Variants in DACH2 observed in about 807,000 individuals in gnomAD.
DACH2 encodes dachshund family transcription factor 2, also known as dachshund homolog 2.
A neutral mutation model predicts 35.8 loss-of-function variants in DACH2; 17 were observed. The observed-to-expected ratio is 0.48, with a 90% CI of 0.33 to 0.71. The LOEUF is 0.71. Ranked by LOEUF, DACH2 falls within the 30% of genes least tolerant of loss-of-function variation. The pLI, the probability that DACH2 is intolerant of heterozygous loss-of-function variation, is 0.02. For synonymous variants in DACH2, 195 were observed against 177.3 expected, an observed-to-expected ratio of 1.10 and a Z score of -0.79; for missense variants, 469 against 472.7, an observed-to-expected ratio of 0.99 and a Z score of 0.07.
chrX:86,524,115 A>G (rs942177910), intron 3 of DACH2, among the ~76,000 whole-genome samples: 1 of 112,490 alleles, frequency 8.9e-6, no homozygotes, highest in Non-Finnish European at 1.9e-5. Flanking sequence ...AGCAAAATGG[A>G]GTCAACTATG....
chrX:86,674,424 T>C (rs2040804636), intron 4 of DACH2, among the ~76,000 whole-genome samples: 1 of 112,464 alleles, frequency 8.9e-6, no homozygotes, highest in African/African-American at 3.2e-5. Context: ...CAAAGAAGGC[T>C]GTAAAGCCTC....
chrX:86,571,472 G>A (rs1037423352), intron 3 of DACH2, among the ~76,000 whole-genome samples: 16 of 104,956 alleles, frequency 1.5e-4, no homozygotes, highest in South Asian at 1.4e-3. Flanking sequence ...AACAGTCCCC[G>A]GTGTGTGATG....
intron 1 of DACH2, among the ~76,000 whole-genome samples, chrX:86,335,336 C>A (rs1480793100): frequency 3.6e-5 from 4 of 111,915 alleles, no homozygotes; most frequent in African/African-American, 1.3e-4. Context: ...CTATAAATTA[C>A]TTCTAGCAGT....
chrX:86,633,283 C>T (rs2040224370), intron 3 of DACH2, among the ~76,000 whole-genome samples: 1 of 109,588 alleles, frequency 9.1e-6, no homozygotes, highest in Admixed American at 9.8e-5. Flanking sequence ...CTAATGGTAC[C>T]ACAGAGATAC....
intron 1 of DACH2, among the ~76,000 whole-genome samples, chrX:86,311,620 A>T (rs1370118961): frequency 9.0e-6 from 1 of 111,010 alleles, no homozygotes; most frequent in African/African-American, 3.3e-5. Flanking sequence ...CACTAGCAAA[A>T]TTTTTGCTTC....
intron 3 of DACH2, among the ~76,000 whole-genome samples, chrX:86,582,606 C>T (rs1004306041): frequency 2.7e-5 from 3 of 110,193 alleles, no homozygotes; most frequent in African/African-American, 9.9e-5. Context: ...AACTAGAAAA[C>T]CTAGAATTAA....
At chrX:86,199,211 G>A (rs1053504915) in intron 1 of DACH2, among the ~76,000 whole-genome samples, 8 of 110,642 alleles carry the variant, frequency 7.2e-5, no homozygotes, top group Non-Finnish European at 9.5e-5. Flanking sequence ...GATAAATTTC[G>A]GCAGCACTTC....
At chrX:86,445,785 C>A (rs2037261805) in intron 2 of DACH2, among the ~76,000 whole-genome samples, 1 of 110,753 alleles carries the variant, frequency 9.0e-6, no homozygotes, top group Non-Finnish European at 1.9e-5. Flanking sequence ...AATATATGAT[C>A]TATCCTAGGG....
chrX:86,618,312 A>G (rs915071705), intron 3 of DACH2, among the ~76,000 whole-genome samples: 3 of 112,277 alleles, frequency 2.7e-5, no homozygotes, highest in Admixed American at 9.5e-5. Flanking sequence ...TATGAGCTCA[A>G]TGAATATTAT....
At chrX:86,596,535 A>G (rs1207123609) in intron 3 of DACH2, among the ~76,000 whole-genome samples, 1 of 111,058 alleles carries the variant, frequency 9.0e-6, no homozygotes, top group Non-Finnish European at 1.9e-5. Context: ...GTCTATTCAA[A>G]TCCTTTGTCT....
At chrX:86,573,177 G>C (rs1413023873) in intron 3 of DACH2, among the ~76,000 whole-genome samples, 2 of 110,531 alleles carry the variant, frequency 1.8e-5, no homozygotes, top group Non-Finnish European at 3.8e-5. Context: ...AAGGGGGAAA[G>C]GGATAGAGGG....
At chrX:86,232,022 G>C (rs1032377917) in intron 1 of DACH2, among the ~76,000 whole-genome samples, 1 of 111,390 alleles carries the variant, frequency 9.0e-6, no homozygotes, top group Non-Finnish European at 1.9e-5. Context: ...CTTCTCCAGT[G>C]GGGGTGTGTG....
intron 1 of DACH2, among the ~76,000 whole-genome samples, chrX:86,259,160 A>C (rs2033578806): frequency 8.9e-6 from 1 of 112,270 alleles, no homozygotes; most frequent in Non-Finnish European, 1.9e-5. Flanking sequence ...CATTTCATGC[A>C]GGTGACATCT....
intron 1 of DACH2, chrX:86,160,817 G>A (rs1015727091): frequency 4.1e-6 from 2 of 487,053 alleles, no homozygotes; most frequent in South Asian, 3.1e-5. Flanking sequence ...CTGCAGCAAA[G>A]GAGACCACCA....
chrX:86,734,902 A>C (rs1487148549), intron 6 of DACH2, among the ~76,000 whole-genome samples: 1 of 111,943 alleles, frequency 8.9e-6, no homozygotes, highest in East Asian at 2.8e-4. Context: ...TGAAATATCA[A>C]GACAAATACA....
intron 3 of DACH2, among the ~76,000 whole-genome samples, chrX:86,593,398 T>TTTTATTTTATTTTATTTTATTTTA (rs2039672393): frequency 2.2e-5 from 2 of 91,478 alleles, no homozygotes; most frequent in Admixed American, 1.1e-4. Context: ...TATATATATT[T>TTTTATTTTATTTTATTTTATTTTA]TTTTATTTTA....
At chrX:86,337,384 A>G (rs1301897824) in intron 1 of DACH2, among the ~76,000 whole-genome samples, 4 of 112,538 alleles carry the variant, frequency 3.6e-5, no homozygotes, top group Non-Finnish European at 7.5e-5. Flanking sequence ...ATCTCTCTGC[A>G]GAAACCTTAC....
intron 2 of DACH2, among the ~76,000 whole-genome samples, chrX:86,497,639 A>T (rs1324348559): frequency 9.0e-6 from 1 of 110,871 alleles, no homozygotes; most frequent in Non-Finnish European, 1.9e-5. Context: ...GATGTGTGGC[A>T]CTCTGCTTTA....
chrX:86,794,610 T>G (rs1242759443), intron 7 of DACH2, among the ~76,000 whole-genome samples: 2 of 111,362 alleles, frequency 1.8e-5, no homozygotes, highest in African/African-American at 6.5e-5. Flanking sequence ...TTCAAAGGTT[T>G]GGGTTGACAA....
Sources: allele counts gnomAD v4.1 joint callset (sites outside exome capture counted in the v4.1 genomes callset), GRCh38; gene constraint gnomAD v4.1.1; transcripts MANE v1.5; gene names NCBI Gene and HGNC (gene_info 2026-07-23, HGNC 2026-07-21).